Variants in SPIDR observed in about 807,000 individuals in gnomAD.
The protein encoded by SPIDR is DNA repair-scaffolding protein.
Under a neutral mutation model 104.6 loss-of-function variants are expected in SPIDR, and 93 were observed. The ratio of observed to expected loss-of-function variants is 0.89; its 90% CI spans 0.75 to 1.06. The LOEUF (loss-of-function observed/expected upper bound fraction) is 1.06. Ranked by LOEUF, SPIDR falls within the 50% of genes least tolerant of loss-of-function variation. The pLI is 0.00. For missense variants in SPIDR, 1,154 were observed against 1,111.2 expected (o/e 1.04, Z -0.55); for synonymous variants, 431 against 416.9 (o/e 1.03, Z -0.41).
intron 7 of SPIDR, among the ~76,000 whole-genome samples, chr8:47,424,393 C>T (rs745352306): frequency 7.9e-5 from 12 of 152,154 alleles, no homozygotes; most frequent in Non-Finnish European, 1.5e-4. Flanking sequence ...CAGCCTTAAC[C>T]GCCTGGGCTC....
intron 8 of SPIDR, among the ~76,000 whole-genome samples, chr8:47,529,289 G>A (rs1351018187): frequency 2.6e-5 from 4 of 151,894 alleles, no homozygotes; most frequent in African/African-American, 7.3e-5. Flanking sequence ...ATGGTGACAC[G>A]CACCTGTAAT....
intron 10 of SPIDR, among the ~76,000 whole-genome samples, chr8:47,608,460 A>G (rs1481921817): frequency 1.3e-5 from 2 of 152,214 alleles, no homozygotes; most frequent in East Asian, 3.8e-4. Flanking sequence ...ATATATACCT[A>G]GGCATGGAAT....
At chr8:47,678,815 T>C (rs1394653792) in intron 11 of SPIDR, among the ~76,000 whole-genome samples, 1 of 152,162 alleles carries the variant, frequency 6.6e-6, no homozygotes. Flanking sequence ...ATTGAGAAGC[T>C]ATTGTCTAAA....
At chr8:47,291,467 A>G (rs887946419) in intron 4 of SPIDR, among the ~76,000 whole-genome samples, 4 of 152,184 alleles carry the variant, frequency 2.6e-5, no homozygotes, top group Non-Finnish European at 4.4e-5. Flanking sequence ...TAAACATGCA[A>G]TTACCATATA....
At chr8:47,522,185 A>G (rs1392722302) in intron 8 of SPIDR, among the ~76,000 whole-genome samples, 1 of 151,744 alleles carries the variant, frequency 6.6e-6, no homozygotes, top group African/African-American at 2.4e-5. Context: ...AAAAAAAAAA[A>G]AAAGAAAAGA....
At chr8:47,615,321 G>A (rs2064142116) in intron 10 of SPIDR, among the ~76,000 whole-genome samples, 1 of 152,198 alleles carries the variant, frequency 6.6e-6, no homozygotes, top group Middle Eastern at 3.4e-3. Flanking sequence ...CCAAGGTCAT[G>A]AAGATTTACT....
chr8:47,579,791 C>T (rs2059522462), intron 8 of SPIDR, among the ~76,000 whole-genome samples: 1 of 152,294 alleles, frequency 6.6e-6, no homozygotes, highest in South Asian at 2.1e-4. Context: ...AGCCAACTGC[C>T]CCGTCAGTTT....
At chr8:47,380,806 A>G (rs1554645094) in intron 5 of SPIDR, among the ~76,000 whole-genome samples, 2 of 152,156 alleles carry the variant, frequency 1.3e-5, no homozygotes, top group Non-Finnish European at 2.9e-5. Flanking sequence ...CCTTGAATGT[A>G]TGAGAAAACC....
intron 8 of SPIDR, among the ~76,000 whole-genome samples, chr8:47,446,692 T>G (rs1266931148): frequency 6.6e-6 from 1 of 152,024 alleles, no homozygotes; most frequent in Non-Finnish European, 1.5e-5. Context: ...GTTCAAGTGA[T>G]TCTCCTGCCT....
chr8:47,643,748 G>C (rs1375794613), intron 10 of SPIDR, among the ~76,000 whole-genome samples: 1 of 152,104 alleles, frequency 6.6e-6, no homozygotes, highest in Non-Finnish European at 1.5e-5. Context: ...AAAAGCATTT[G>C]CCATGAAAAA....
chr8:47,289,977 AT>A (rs1217398661), intron 3 of SPIDR, among the ~76,000 whole-genome samples: 1 of 152,200 alleles, frequency 6.6e-6, no homozygotes, highest in African/African-American at 2.4e-5. Context: ...TATCTAGGAA[AT>A]TATTCTGAGT....
chr8:47,505,133 G>A (rs1197625906), intron 8 of SPIDR, among the ~76,000 whole-genome samples: 1 of 152,140 alleles, frequency 6.6e-6, no homozygotes, highest in Non-Finnish European at 1.5e-5. Context: ...TCTGAGTGCT[G>A]GGAGAACCAC....
At chr8:47,554,215 G>A (rs1036147762) in intron 8 of SPIDR, among the ~76,000 whole-genome samples, 2 of 152,202 alleles carry the variant, frequency 1.3e-5, no homozygotes, top group African/African-American at 4.8e-5. Context: ...CACTTGAGGA[G>A]GCAGTCTGTC....
chr8:47,368,940 A>G (rs2154293856), intron 5 of SPIDR, among the ~76,000 whole-genome samples: 1 of 152,334 alleles, frequency 6.6e-6, no homozygotes, highest in Admixed American at 6.5e-5. Context: ...AACTTATGAA[A>G]GTTGTAGTAA....
chr8:47,279,288 C>A, intron 1 of SPIDR: 1 of 153,148 alleles, frequency 6.5e-6, no homozygotes, highest in Non-Finnish European at 1.5e-5. Context: ...TGACTCTGCT[C>A]ATCTGGACCT....
chr8:47,597,353 C>G (rs921956581), intron 9 of SPIDR, among the ~76,000 whole-genome samples: 2 of 152,112 alleles, frequency 1.3e-5, no homozygotes, highest in African/African-American at 4.8e-5. Flanking sequence ...TCTCCTAATG[C>G]TATCCCTACC....
rs545968384 is a variant in SPIDR, at chr8:47,602,228, C to G, written c.1544+3032C>G. 2.6e-5 allele frequency among the ~76,000 whole-genome samples: 4 copies of G among 152,266 alleles called. No homozygotes were observed. In the South Asian group the frequency reaches 8.3e-4, roughly 32 times the overall value. ...GACATATGGAATGCTCTGTGGGTCC[C>G]ACAGGATGGACAAAGTTGGGCTCAG... On this transcript the variant is annotated intron_variant, in intron 10 of 19. Transcript: ENST00000297423.
At chr8:47,353,931 T>C (rs914988722) in intron 5 of SPIDR, among the ~76,000 whole-genome samples, 1 of 152,168 alleles carries the variant, frequency 6.6e-6, no homozygotes, top group Non-Finnish European at 1.5e-5. Context: ...TAAAACAAGC[T>C]TATTAATACT....
intron 5 of SPIDR, among the ~76,000 whole-genome samples, chr8:47,392,880 C>T (rs1258223023): frequency 1.3e-5 from 2 of 152,238 alleles, no homozygotes; most frequent in East Asian, 1.9e-4. Flanking sequence ...TACCAAGGTC[C>T]CATGGATTTA....
Sources: gnomAD v4.1 joint callset for allele counts (sites outside exome capture counted in the v4.1 genomes callset) on GRCh38, gnomAD v4.1.1 for gene constraint, MANE v1.5 for transcripts, NCBI Gene and HGNC (gene_info 2026-07-23, HGNC 2026-07-21) for gene names.